The following PASK variants were observed in gnomAD, a reference collection of about 807,000 sequenced individuals.
PASK encodes PAS domain containing serine/threonine kinase, also known as PAS domain-containing serine/threonine-protein kinase.
A neutral mutation model predicts 121.0 loss-of-function variants in PASK; 110 were observed. The observed-to-expected ratio is 0.91, with a 90% CI of 0.78 to 1.06. PASK has a LOEUF of 1.06. Among genes scored for constraint, PASK ranks in the 50% least tolerant of loss-of-function variants. The probability of loss-of-function intolerance (pLI) is 0.00; values close to 1 mark genes in which losing one functional copy is unlikely to be tolerated. For synonymous variants in PASK, 686 were observed against 717.8 expected, an observed-to-expected ratio of 0.96 and a Z score of 0.71; for missense variants, 1,643 against 1,702.3, an observed-to-expected ratio of 0.97 and a Z score of 0.61.
At chr2:241,124,591 A>T (rs549401812) in intron 10 of PASK, among the ~76,000 whole-genome samples, 8 of 152,380 alleles carry the variant, frequency 5.3e-5, no homozygotes, top group African/African-American at 1.9e-4. Flanking sequence ...TCTACTCACT[A>T]ACAGCCATAT....
At position 241,139,902 on chromosome 2, in the gene PASK, C is replaced by A. The variant is rs1167827414; in HGVS notation, c.583G>T (p.Val195Leu). 2 of 1,614,210 alleles carry A rather than the reference C, an allele frequency of 1.2e-6. No homozygotes were observed. The highest frequency in any genetic ancestry group is 2.2e-5 in the South Asian group (2 of 91,082). ...CCACTCACCACCGTGCCAAACACCA[C>A]CGCAGCGTGGCCGTCGGCCTCCATG... The part of the protein sequence containing the change: ...EHMEADGHAA[V>L]VFGTVVDIIS... The change falls in exon 4 of 18, where the codon GTG (valine) becomes TTG (leucine). Residue 195 changes from valine (V) to leucine (L), a missense_variant. Around this residue, in one of 3 missense-constraint regions of PASK, gnomAD observed 1,176 missense variants for 1,162.2 expected, o/e 1.01. Transcript: ENST00000234040.
At chr2:241,150,047 G>A, upstream of PASK, 2 of 1,368,170 alleles carry the variant, frequency 1.5e-6, no homozygotes, top group Non-Finnish European at 9.4e-7. Flanking sequence ...GGCTCGCAGA[G>A]GTCAGGGATG....
At chr2:241,136,160 C>G in intron 7 of PASK, 121 bp from the exon 8 acceptor site, 1 of 884,868 alleles carries the variant, frequency 1.1e-6, no homozygotes, top group Non-Finnish European at 1.9e-6. Context: ...CCCTTAAGGT[C>G]AGGAAAGGCC....
At chr2:241,148,823 C>T (rs1395686861) in intron 1 of PASK, among the ~76,000 whole-genome samples, 1 of 152,162 alleles carries the variant, frequency 6.6e-6, no homozygotes, top group African/African-American at 2.4e-5. Flanking sequence ...AAATGGACAT[C>T]GAATGGTACT....
chr2:241,107,509 CAAAG>C lies in PASK; in HGVS notation c.3668-14_3668-11del. On this transcript the variant is annotated splice_polypyrimidine_tract_variant and intron_variant, in intron 16 of 17. Coordinates refer to ENST00000234040, the MANE Select transcript of PASK (RefSeq NM_015148.4). ...ACAAGGCTCATGAGTTCTGGGGACA[CAAAG>C]AACACAGATGGTAGGTCCAGATTGG... 1 of 1,613,638 alleles carries C rather than the reference CAAAG, an allele frequency of 6.2e-7. No individual in the cohort carries two copies. The highest frequency in any genetic ancestry group is 1.1e-5 in the South Asian group (1 of 91,064).
chr2:241,139,499 C>T (rs1173236119), intron 4 of PASK: 2 of 484,608 alleles, frequency 4.1e-6, no homozygotes, highest in African/African-American at 3.9e-5. Context: ...CCCGCCCGCT[C>T]CCACAAACAC....
chr2:241,110,307 G>T (rs7579568), intron 15 of PASK, among the ~76,000 whole-genome samples: 35,834 of 152,180 alleles, frequency 0.24, 6,599 homozygotes, highest in African/African-American at 0.5. Flanking sequence ...GGAAGGGGAA[G>T]AGGGACCTAA....
intron 12 of PASK, among the ~76,000 whole-genome samples, chr2:241,116,244 C>G (rs2065364308): frequency 6.6e-6 from 1 of 152,246 alleles, no homozygotes; most frequent in South Asian, 2.1e-4. Context: ...CTGCATTTAC[C>G]TCCCCTAAGT....
intron 15 of PASK, among the ~76,000 whole-genome samples, chr2:241,110,861 A>T (rs2065082822): frequency 1.3e-5 from 2 of 152,296 alleles, no homozygotes; most frequent in South Asian, 4.1e-4. Flanking sequence ...CCCTTCTTAG[A>T]CCAACCCCCT....
intron 15 of PASK, among the ~76,000 whole-genome samples, chr2:241,111,997 A>G (rs10192447): frequency 0.12 from 18,559 of 152,218 alleles, 2,728 homozygotes; most frequent in African/African-American, 0.33. Flanking sequence ...TTTTTATTAT[A>G]TGAAACTCCA....
chr2:241,106,450 G>T lies in PASK; in HGVS notation c.*116C>A. The T allele has an allele frequency of 9.8e-7, 1 of 1,023,214 alleles. No individual in the cohort carries two copies. Among genetic ancestry groups the T allele is most frequent in the East Asian group, 2.4e-5 (1 of 42,258 alleles). The allele number at this position is 1,023,214 out of a possible 1,614,324, so 63.4% of individuals were successfully genotyped here. A position where few individuals can be genotyped will look rare whatever the true frequency, so the allele number is the denominator to read the frequency against. On this transcript the variant is annotated 3_prime_UTR_variant, in exon 18 of 18. Coordinates refer to ENST00000234040, the MANE Select transcript of PASK (RefSeq NM_015148.4). ...TCTGGTGTTTATCAAACCTGCACAT[G>T]AGTTTTTAGAAGGTGAATTGGGGAT...
Position 241,126,669 on chromosome 2 carries a change from CT to C in PASK, c.2245del (p.Ser749ValfsTer33). The C allele has an allele frequency of 6.2e-7, 1 of 1,614,214 alleles. No homozygotes were observed. The highest frequency in any genetic ancestry group is 8.5e-7 in the Non-Finnish European group (1 of 1,180,038). On this transcript the variant is annotated frameshift_variant, in exon 10 of 18. Coordinates refer to ENST00000234040, the MANE Select transcript of PASK (RefSeq NM_015148.4). LOFTEE classifies it high-confidence loss of function. Reference protein sequence around the residue: ...FSWNLKELFFSDQTDQTSSNC... With the variant: ...FSWNLKELFFXDQTDQTSSNC... ...TGATGACGTTTGGTCTGTCTGGTCA[CT>C]GAAAAAGAGTTCCTTGAGGTTCCAG...
rs765783728 is a variant in PASK, at chr2:241,137,995, G to A, written c.834C>T (p.Ile278=). 6.2e-6 allele frequency: 10 copies of A among 1,614,192 alleles called. No homozygotes were observed. In the East Asian group the frequency reaches 2.0e-4, roughly 32 times the overall value. ...CAGAAGGAGGGAGCTGCACAGAAGG[G>A]ATCAGGTCTGTGATATGCTGCCCAG... ...DVAGQHITDL[I]PSVQLPPSGQ... The change falls in exon 6 of 18, where the codon ATC becomes ATT. Residue 278 remains isoleucine, a synonymous_variant. Transcript: ENST00000234040.
intron 10 of PASK, among the ~76,000 whole-genome samples, chr2:241,125,364 GC>G (rs1382734322): frequency 2.6e-5 from 4 of 151,636 alleles, no homozygotes; most frequent in Non-Finnish European, 5.9e-5. Flanking sequence ...ATTTTGGGAA[GC>G]CGAGGCGGGC....
At chr2:241,148,846 G>C (rs568296138) in intron 1 of PASK, among the ~76,000 whole-genome samples, 76 of 152,316 alleles carry the variant, frequency 5.0e-4, no homozygotes, top group Non-Finnish European at 7.8e-4. Context: ...GATGCGGAAG[G>C]TAAGGACGAG....
chr2:241,136,962 T>C (rs1351041415), intron 7 of PASK, 42 bp downstream of exon 7: 2 of 1,593,816 alleles, frequency 1.3e-6, no homozygotes, highest in Admixed American at 1.7e-5. Flanking sequence ...CACAGCAGCT[T>C]CCTCCCAGGG....
chr2:241,110,782 C>T (rs554147401), intron 15 of PASK, among the ~76,000 whole-genome samples: 148 of 152,328 alleles, frequency 9.7e-4, no homozygotes, highest in African/African-American at 3.4e-3. Context: ...CACTGCAGGG[C>T]AGGCAGAGCC....
In PASK at chr2:241,138,074, G is replaced by A. The variant is rs2066526269; in HGVS notation, c.755C>T (p.Ser252Leu). 1 of 1,614,076 alleles carries A rather than the reference G, an allele frequency of 6.2e-7. No homozygotes were observed. The change falls in exon 6 of 18, where the codon TCA (serine) becomes TTA (leucine). Residue 252 changes from serine (S) to leucine (L), a missense_variant. This residue lies in a region of PASK where 1,176 missense variants were observed against 1,162.2 expected (regional missense o/e 1.01). Coordinates refer to ENST00000234040, the MANE Select transcript of PASK (RefSeq NM_015148.4). Reference sequence around the variant, plus strand: ...AAGATGAGCAAAGAGACTGTCACATGACGTGACGGTGCCCTGGAGGAAAAG... The same window carrying A: ...AAGATGAGCAAAGAGACTGTCACATAACGTGACGGTGCCCTGGAGGAAAAG... ...VAFQSDGTVT[S>L]CDSLFAHLHG...
intron 10 of PASK, among the ~76,000 whole-genome samples, chr2:241,125,609 G>A (rs77118920): frequency 0.059 from 6,692 of 113,282 alleles, no homozygotes; most frequent in Non-Finnish European, 0.078. Context: ...CAAAAAAAAA[G>A]AAAAAAAAAA....
Sources: gnomAD v4.1 joint callset for allele counts (sites outside exome capture counted in the v4.1 genomes callset) on GRCh38, gnomAD v4.1.1 for gene constraint, gnomAD v4.1.1 regional missense constraint, MANE v1.5 for transcripts, NCBI Gene and HGNC (gene_info 2026-07-23, HGNC 2026-07-21) for gene names.